The following KLHL29 variants were observed in gnomAD, a reference collection of about 807,000 sequenced individuals.
KLHL29 encodes the protein kelch-like protein 29.
Under a neutral mutation model 80.4 loss-of-function variants are expected in KLHL29, and 21 were observed. That is an observed-to-expected ratio of 0.26 (90% CI 0.19 to 0.38). The LOEUF (loss-of-function observed/expected upper bound fraction) is 0.38, where lower values mean the gene tolerates loss of function less well. KLHL29 is among the 10% of genes least tolerant of loss of function. The probability of loss-of-function intolerance (pLI) is 1.00; values close to 1 mark genes in which losing one functional copy is unlikely to be tolerated. For synonymous variants in KLHL29, 511 were observed against 526.8 expected, an observed-to-expected ratio of 0.97 and a Z score of 0.41; for missense variants, 867 against 1,223.9, an observed-to-expected ratio of 0.71 and a Z score of 4.35.
At chr2:23,692,658 T>A (rs1233316910) in intron 7 of KLHL29, among the ~76,000 whole-genome samples, 1 of 151,990 alleles carries the variant, frequency 6.6e-6, no homozygotes, top group Non-Finnish European at 1.5e-5. Flanking sequence ...GAAGAACCAC[T>A]AGCATGAAGG....
chr2:23,609,813 C>T lies in KLHL29; in HGVS notation c.286-29326C>T, dbSNP rs538550108. 7.9e-5 allele frequency among the ~76,000 whole-genome samples: 12 copies of T among 152,220 alleles called. No homozygotes were observed. In the South Asian group the frequency reaches 1.7e-3, roughly 21 times the overall value. On this transcript the variant is annotated intron_variant, in intron 3 of 13. Coordinates refer to ENST00000486442, the MANE Select transcript of KLHL29 (RefSeq NM_052920.2). ...TATCCCCATTGTATGGGTGAGGAAACCCAGACACAAAGAGATTAAATAGTT... is the reference window on the plus strand; with the variant it reads ...TATCCCCATTGTATGGGTGAGGAAATCCAGACACAAAGAGATTAAATAGTT...
chr2:23,483,888 G>A (rs1474325635), intron 2 of KLHL29, among the ~76,000 whole-genome samples: 1 of 152,052 alleles, frequency 6.6e-6, no homozygotes, highest in African/African-American at 2.4e-5. Context: ...TCCTTATTTT[G>A]AAGCCTAAAA....
chr2:23,528,631 C>T (rs1666399920), intron 2 of KLHL29, among the ~76,000 whole-genome samples: 1 of 152,146 alleles, frequency 6.6e-6, no homozygotes. Context: ...GTCCTTTGAT[C>T]AATAAAGCAG....
At chr2:23,539,260 G>C (rs1047700680) in intron 2 of KLHL29, among the ~76,000 whole-genome samples, 1 of 152,134 alleles carries the variant, frequency 6.6e-6, no homozygotes, top group Non-Finnish European at 1.5e-5. Context: ...AGTATGCAGT[G>C]TACTGCAGAA....
intron 1 of KLHL29, among the ~76,000 whole-genome samples, chr2:23,468,644 C>A (rs1405503381): frequency 1.3e-5 from 2 of 152,168 alleles, no homozygotes; most frequent in African/African-American, 4.8e-5. Context: ...CTCCTGTCCC[C>A]ACGGCCGTCT....
chr2:23,404,094 A>G (rs1436290863), intron 1 of KLHL29, among the ~76,000 whole-genome samples: 1 of 152,196 alleles, frequency 6.6e-6, no homozygotes, highest in Admixed American at 6.5e-5. Context: ...ACAGATTTAA[A>G]ATGAGGAAGA....
chr2:23,513,129 G>A (rs567848182), intron 2 of KLHL29, among the ~76,000 whole-genome samples: 47 of 152,318 alleles, frequency 3.1e-4, no homozygotes, highest in African/African-American at 1.0e-3. Context: ...GTCTTGGAGT[G>A]GGTTCATCCT....
chr2:23,665,597 C>A (rs1558430638), intron 5 of KLHL29, among the ~76,000 whole-genome samples: 2 of 152,196 alleles, frequency 1.3e-5, no homozygotes, highest in African/African-American at 4.8e-5. Context: ...GTTGATTTGG[C>A]TCACGGTTCT....
At chr2:23,416,159 C>T (rs1486508656) in intron 1 of KLHL29, among the ~76,000 whole-genome samples, 1 of 152,126 alleles carries the variant, frequency 6.6e-6, no homozygotes, top group Non-Finnish European at 1.5e-5. Context: ...TGTATTTCTT[C>T]TCTGCTAACA....
chr2:23,591,522 C>T (rs10188513), intron 3 of KLHL29, among the ~76,000 whole-genome samples: 38 of 150,868 alleles, frequency 2.5e-4, no homozygotes, highest in African/African-American at 8.1e-4. Context: ...TGTTCCCATC[C>T]GCATGTCCCT....
At chr2:23,390,873 C>T (rs1431285499) in intron 1 of KLHL29, among the ~76,000 whole-genome samples, 3 of 152,040 alleles carry the variant, frequency 2.0e-5, no homozygotes, top group Non-Finnish European at 2.9e-5. Flanking sequence ...AGGCTGGTCT[C>T]GAACTCCTGA....
At chr2:23,431,680 T>C (rs918656010) in intron 1 of KLHL29, among the ~76,000 whole-genome samples, 1 of 152,084 alleles carries the variant, frequency 6.6e-6, no homozygotes. Flanking sequence ...ATCATTGAGG[T>C]CAGGAGATCG....
chr2:23,547,020 G>A (rs1428511314), intron 2 of KLHL29, among the ~76,000 whole-genome samples: 2 of 152,188 alleles, frequency 1.3e-5, no homozygotes, highest in African/African-American at 2.4e-5. Context: ...CATCAGAGCC[G>A]CCTGAGGGAG....
At chr2:23,526,766 A>C (rs1666334087) in intron 2 of KLHL29, among the ~76,000 whole-genome samples, 1 of 152,142 alleles carries the variant, frequency 6.6e-6, no homozygotes, top group African/African-American at 2.4e-5. Context: ...GTCTCTTCCC[A>C]GCTCCTCATT....
At chr2:23,493,113 A>C (rs1450799531) in intron 2 of KLHL29, among the ~76,000 whole-genome samples, 1 of 152,172 alleles carries the variant, frequency 6.6e-6, no homozygotes, top group Non-Finnish European at 1.5e-5. Flanking sequence ...TGCCTCCCGC[A>C]CAGGAATGAC....
chr2:23,598,257 T>TA lies in KLHL29; in HGVS notation c.285+35785dup, dbSNP rs911061775. Among the ~76,000 whole-genome samples, 130 of 147,846 alleles carry TA rather than the reference T, an allele frequency of 8.8e-4. 1 individual carries two copies. The highest frequency in any genetic ancestry group is 8.2e-3 in the East Asian group (42 of 5,142). On this transcript the variant is annotated intron_variant, in intron 3 of 13. Transcript: ENST00000486442. ...AGGTATTATTATCCCCATTTTAAGATAAAAAAAAACCGAGGGTTAGGGAAG... is the reference window on the plus strand; with the variant it reads ...AGGTATTATTATCCCCATTTTAAGATAAAAAAAAAACCGAGGGTTAGGGAAG...
intron 3 of KLHL29, among the ~76,000 whole-genome samples, chr2:23,626,531 A>T (rs1669312989): frequency 6.6e-6 from 1 of 152,220 alleles, no homozygotes; most frequent in Admixed American, 6.5e-5. Flanking sequence ...CAACTGGACC[A>T]TCTGAAGTTT....
intron 1 of KLHL29, among the ~76,000 whole-genome samples, chr2:23,439,797 G>A (rs1419285923): frequency 2.6e-5 from 4 of 152,064 alleles, no homozygotes; most frequent in Middle Eastern, 3.4e-3. Flanking sequence ...GTTGATTTGG[G>A]GTGGAGAGTT....
intron 3 of KLHL29, among the ~76,000 whole-genome samples, chr2:23,624,845 G>A (rs1459652694): frequency 6.6e-6 from 1 of 152,210 alleles, no homozygotes; most frequent in Non-Finnish European, 1.5e-5. Flanking sequence ...TCCCAGGTAC[G>A]TTGCTAGGTC....
Sources: gnomAD v4.1 joint callset for allele counts (sites outside exome capture counted in the v4.1 genomes callset) on GRCh38, gnomAD v4.1.1 for gene constraint, MANE v1.5 for transcripts, NCBI Gene and HGNC (gene_info 2026-07-23, HGNC 2026-07-21) for gene names.